KCNT2: variants seen among roughly 807,000 people sequenced by gnomAD.
The protein encoded by KCNT2 is potassium sodium-activated channel subfamily T member 2.
In KCNT2, 67 loss-of-function variants were observed where a neutral mutation model predicts 153.8. That is an observed-to-expected ratio of 0.44 (90% confidence interval 0.36 to 0.53). KCNT2 has a LOEUF of 0.53. Among genes scored for constraint, KCNT2 ranks in the 20% least tolerant of loss-of-function variants. The pLI, the probability that KCNT2 is intolerant of heterozygous loss-of-function variation, is 0.00. For missense variants in KCNT2, 975 were observed against 1,354.8 expected (o/e 0.72, Z 4.40); for synonymous variants, 500 against 458.8 (o/e 1.09, Z -1.15).
intron 13 of KCNT2, among the ~76,000 whole-genome samples, chr1:196,382,211 GC>G (rs952514299): frequency 3.3e-5 from 5 of 151,938 alleles, no homozygotes; most frequent in African/African-American, 9.7e-5. Context: ...CCATTCTCCT[GC>G]CTCAGCCTCC....
At chr1:196,334,695 A>T (rs1285450962) in intron 16 of KCNT2, among the ~76,000 whole-genome samples, 2 of 152,076 alleles carry the variant, frequency 1.3e-5, no homozygotes, top group Admixed American at 1.3e-4. Context: ...TGAGTGCCAC[A>T]TATGGGGAGC....
intron 21 of KCNT2, among the ~76,000 whole-genome samples, chr1:196,309,983 A>G (rs1571992034): frequency 6.6e-6 from 1 of 151,882 alleles, no homozygotes; most frequent in Non-Finnish European, 1.5e-5. Flanking sequence ...TATCTATGGA[A>G]GAGTTCTCTG....
intron 8 of KCNT2, among the ~76,000 whole-genome samples, chr1:196,435,133 G>GTATATATA (rs1428028008): frequency 6.8e-5 from 6 of 87,878 alleles, no homozygotes; most frequent in African/African-American, 2.5e-4. Flanking sequence ...ATGTGTGTGT[G>GTATATATA]TGTATGTATA....
At chr1:196,257,547 C>T in intron 26 of KCNT2, 1 of 927,334 alleles carries the variant, frequency 1.1e-6, no homozygotes, top group Non-Finnish European at 1.3e-6. Context: ...AAGTAAAATT[C>T]ATACACTGAT....
chr1:196,441,821 C>A (rs1347526313), intron 8 of KCNT2, among the ~76,000 whole-genome samples: 2 of 151,672 alleles, frequency 1.3e-5, no homozygotes, highest in Non-Finnish European at 2.9e-5. Context: ...ATCCTTAGGT[C>A]ATGTGCTGTA....
At chr1:196,506,728 G>T (rs993377820) in intron 1 of KCNT2, among the ~76,000 whole-genome samples, 2 of 152,098 alleles carry the variant, frequency 1.3e-5, no homozygotes, top group Non-Finnish European at 2.9e-5. Flanking sequence ...TACTGTTAAA[G>T]CTTACTCACT....
Position 196,425,860 on chromosome 1 carries a change from C to T in KCNT2, c.1113G>A (p.Leu371=), listed in dbSNP as rs763064399. 24 of 1,612,216 alleles carry T rather than the reference C, an allele frequency of 1.5e-5. 2 individuals are homozygous for T. In the South Asian group the frequency reaches 2.4e-4, roughly 16 times the overall value. ...QGSALKDQDL[L]RAKMDDAEAC... is the part of the protein sequence containing the mutation. The stretch of plus-strand genomic sequence containing the variant: ...AAGGCAGGGATACCTACTTTGCTCT[C>T]AATAGGTCTTGATCTTTAAGGGCTG... The change falls in exon 11 of 28, where the codon TTG becomes TTA. Residue 371 remains leucine, a synonymous_variant. Transcript: ENST00000294725.
intron 1 of KCNT2, among the ~76,000 whole-genome samples, chr1:196,551,828 C>A (rs995005701): frequency 6.6e-6 from 1 of 151,564 alleles, no homozygotes; most frequent in African/African-American, 2.4e-5. Flanking sequence ...AGTTTTACCA[C>A]ACTCTCTACC....
chr1:196,257,335 C>T, intron 26 of KCNT2: 1 of 981,638 alleles, frequency 1.0e-6, no homozygotes, highest in African/African-American at 1.7e-5. Context: ...AAATTTCTTC[C>T]TAAGAACATT....
rs1404767587 is a variant in KCNT2 at position 196,258,298 on chromosome 1, A to T, written c.3107T>A (p.Ile1036Lys). 6.2e-7 allele frequency: 1 copy of T among 1,613,664 alleles called. No homozygotes were observed. The highest frequency in any genetic ancestry group is 2.2e-5 in the East Asian group (1 of 44,860). Residue 1036 changes from isoleucine to lysine, a missense_variant, in exon 26 of 28, where the codon ATA becomes AAA. This residue lies in a region of KCNT2 where 241 missense variants were observed against 271.1 expected (regional missense o/e 0.89). Transcript: ENST00000294725. ...GTAGAGGTTCAGTCGCTGCTGGGTT[A>T]TTTTTTCAGCTGTTTTACCAGAGTG... ...PKHSGKTAEK[I>K]TQQRLNLYRR...
chr1:196,326,882 T>C lies in KCNT2; in HGVS notation c.2111A>G (p.Gln704Arg). 6.4e-7 allele frequency: 1 copy of C among 1,559,660 alleles called. No homozygotes were observed. Among genetic ancestry groups the C allele is most frequent in the South Asian group, 1.2e-5 (1 of 82,290 alleles). Residue 704 changes from glutamine (Q) to arginine (R), a missense_variant, in exon 19 of 28, where the codon CAA becomes CGA. Physicochemically the swap from Gln to Arg is conservative, Grantham distance 43. Coordinates refer to ENST00000294725, the MANE Select transcript of KCNT2 (RefSeq NM_198503.5). ...FCCLRLDKSC[Q>R]HNYYEDAKAY... ...TTTTGCATCCTCATAGTAGTTATGT[T>C]GGCAACTCTAGAGAAGAGAAAGTAT...
intron 1 of KCNT2, among the ~76,000 whole-genome samples, chr1:196,604,095 G>A (rs1441024533): frequency 6.6e-6 from 1 of 152,202 alleles, no homozygotes; most frequent in African/African-American, 2.4e-5. Context: ...ATTGAATGTT[G>A]AATGCCTTGA....
intron 1 of KCNT2, among the ~76,000 whole-genome samples, chr1:196,573,827 G>A (rs1042941964): frequency 1.3e-5 from 2 of 151,668 alleles, no homozygotes; most frequent in Non-Finnish European, 2.9e-5. Flanking sequence ...GTTATTTTAT[G>A]TTTTTTTAAC....
At chr1:196,404,592 TCA>T (rs1671678586) in intron 12 of KCNT2, among the ~76,000 whole-genome samples, 1 of 151,570 alleles carries the variant, frequency 6.6e-6, no homozygotes, top group Non-Finnish European at 1.5e-5. Context: ...TTCATGCCTC[TCA>T]TCCCTGCTAA....
chr1:196,239,848 AG>A (rs1395242894), intron 26 of KCNT2, among the ~76,000 whole-genome samples: 1 of 152,046 alleles, frequency 6.6e-6, no homozygotes, highest in Non-Finnish European at 1.5e-5. Flanking sequence ...TGGGGTCAAC[AG>A]GGTTGTCCTC....
intron 14 of KCNT2, among the ~76,000 whole-genome samples, chr1:196,351,995 G>A (rs1018502842): frequency 1.2e-4 from 18 of 152,018 alleles, no homozygotes; most frequent in African/African-American, 3.1e-4. Flanking sequence ...CTGTTTATAT[G>A]CTGGATTACA....
chr1:196,512,697 A>C (rs931152619), intron 1 of KCNT2, among the ~76,000 whole-genome samples: 2 of 152,186 alleles, frequency 1.3e-5, no homozygotes, highest in Admixed American at 1.3e-4. Context: ...TTTAAACTTG[A>C]CTTCAAATTA....
chr1:196,431,483 G>A (rs1419135680), intron 8 of KCNT2, among the ~76,000 whole-genome samples: 1 of 151,990 alleles, frequency 6.6e-6, no homozygotes, highest in African/African-American at 2.4e-5. Context: ...AGAATATTGG[G>A]GGAAATACCG....
intron 26 of KCNT2, among the ~76,000 whole-genome samples, chr1:196,256,804 A>C (rs1400609685): frequency 6.6e-6 from 1 of 151,568 alleles, no homozygotes; most frequent in African/African-American, 2.4e-5. Context: ...TTCCATCTTG[A>C]ATAGGGGCTG....
Sources: gnomAD v4.1 joint callset for allele counts (sites outside exome capture counted in the v4.1 genomes callset) on GRCh38, gnomAD v4.1.1 for gene constraint, gnomAD v4.1.1 regional missense constraint, MANE v1.5 for transcripts, NCBI Gene and HGNC (gene_info 2026-07-23, HGNC 2026-07-21) for gene names.